The following LTA4H variants were observed in gnomAD, a reference collection of about 807,000 sequenced individuals.
The protein encoded by LTA4H is leukotriene A4 hydrolase.
A neutral mutation model predicts 89.8 loss-of-function variants in LTA4H; 59 were observed. The observed-to-expected ratio is 0.66, with a 90% CI of 0.53 to 0.82. The LOEUF (loss-of-function observed/expected upper bound fraction) is 0.82, where lower values mean the gene tolerates loss of function less well. Ranked by LOEUF, LTA4H falls within the 40% of genes least tolerant of loss-of-function variation. LTA4H has a pLI of 0.00. For missense variants in LTA4H, 617 were observed against 727.0 expected, an observed-to-expected ratio of 0.85 and a Z score of 1.74; for synonymous variants, 227 against 253.1, an observed-to-expected ratio of 0.90 and a Z score of 0.98.
intron 1 of LTA4H, among the ~76,000 whole-genome samples, chr12:96,029,391 T>C (rs1275164391): frequency 6.6e-6 from 1 of 152,168 alleles, no homozygotes; most frequent in East Asian, 1.9e-4. Context: ...GATTTGCATA[T>C]ATATTGTTAA....
chr12:96,005,892 C>T (rs1950190351), intron 16 of LTA4H, among the ~76,000 whole-genome samples: 1 of 151,992 alleles, frequency 6.6e-6, no homozygotes, highest in African/African-American at 2.4e-5. Context: ...GGATTACAGG[C>T]ACCTGCCACC....
intron 1 of LTA4H, among the ~76,000 whole-genome samples, chr12:96,041,986 CTTT>C (rs145401712): frequency 2.0e-3 from 218 of 110,052 alleles, no homozygotes; most frequent in African/African-American, 5.4e-3. Flanking sequence ...GTTTTTTTTT[CTTT>C]TTTTTTTTTT....
chr12:96,014,499 C>T (rs984723213), intron 12 of LTA4H, among the ~76,000 whole-genome samples: 4 of 152,182 alleles, frequency 2.6e-5, no homozygotes, highest in African/African-American at 9.7e-5. Context: ...GAGCCATTTA[C>T]ACCAAACTGC....
chr12:96,006,203 A>AT, intron 16 of LTA4H, 111 bp downstream of exon 16: 2 of 573,552 alleles, frequency 3.5e-6, no homozygotes, highest in East Asian at 5.6e-5. Flanking sequence ...TTTATAAATG[A>AT]TTTTTTCCCC....
At chr12:96,006,091 C>A (rs2540499) in intron 16 of LTA4H, among the ~76,000 whole-genome samples, 30,986 of 151,952 alleles carry the variant, frequency 0.2, 3,482 homozygotes, top group Non-Finnish European at 0.26. Flanking sequence ...CTAGATTATA[C>A]GCTATTTGAA....
chr12:96,033,719 C>CCCAA lies in LTA4H; in HGVS notation c.159+1638_159+1641dup, dbSNP rs1488270989. On this transcript the variant is annotated intron_variant, in intron 1 of 18. Transcript: ENST00000228740. ...GCTATCCCTCCCCTAGGCCCCTACC[C>CCCAA]CCAACAGGCCCTGGTGTGTGATGTT... Among the ~76,000 whole-genome samples, 4 of 152,262 alleles carry CCCAA rather than the reference C, an allele frequency of 2.6e-5. No homozygotes were observed. The East Asian group carries it at 7.7e-4, about 29-fold the overall frequency.
At chr12:96,011,560 T>C (rs995587505) in intron 14 of LTA4H, 5 of 152,210 alleles carry the variant, frequency 3.3e-5, no homozygotes, top group Non-Finnish European at 5.9e-5. Flanking sequence ...TTAAAATTAA[T>C]AGTTTCCTCA....
intron 14 of LTA4H, 92 bp from the exon 15 acceptor site, chr12:96,009,240 C>G: frequency 1.2e-6 from 1 of 820,778 alleles, no homozygotes; most frequent in Non-Finnish European, 2.0e-6. Context: ...ATTTCAAAGT[C>G]CCTTTTAAAT....
At position 96,003,081 on chromosome 12, in the gene LTA4H, G is replaced by A. The variant is rs372150645; in HGVS notation, c.1614-17C>T. On this transcript the variant is annotated splice_polypyrimidine_tract_variant and intron_variant, in intron 17 of 18. Coordinates refer to ENST00000228740, the MANE Select transcript of LTA4H (RefSeq NM_000895.3). ...CGCAGCCATCTAAAAGGAGGATTTG[G>A]GGGGAGCATGGAGTAGAAAATGAGG... 15 of 1,528,346 alleles carry A rather than the reference G, an allele frequency of 9.8e-6. No individual in the cohort carries two copies. Among genetic ancestry groups the A allele is most frequent in the South Asian group, 1.2e-5 (1 of 85,396 alleles). 94.7% of individuals were successfully genotyped at this position (1,528,346 alleles called of 1,614,324 possible). A position where few individuals can be genotyped will look rare whatever the true frequency, so the allele number is the denominator to read the frequency against.
intron 14 of LTA4H, chr12:96,011,306 A>C (rs1435085915): frequency 6.6e-6 from 1 of 152,210 alleles, no homozygotes; most frequent in African/African-American, 2.4e-5. Context: ...CTATGCTTTT[A>C]TTCTCAGGCT....
intron 1 of LTA4H, 109 bp from the exon 2 acceptor site, chr12:96,029,294 G>T: frequency 1.9e-6 from 1 of 533,672 alleles, no homozygotes; most frequent in Non-Finnish European, 3.1e-6. Flanking sequence ...AAAATACAGA[G>T]TGAAATTAGA....
chr12:96,035,592 T>C, upstream of LTA4H: 12 of 1,494,384 alleles, frequency 8.0e-6, no homozygotes, highest in Non-Finnish European at 1.1e-5. Context: ...ATAGAGAACC[T>C]GAGGAGGAGG....
chr12:96,022,278 G>T lies in LTA4H; in HGVS notation c.481-27C>A. ...TAATCAAGGAGAAAAATCATTTCTA[G>T]TCATAAATAAAAGCTTCTATGTGTC... On this transcript the variant is annotated intron_variant, in intron 4 of 18. Transcript: ENST00000228740. This position sits in a 1 kb window ranked among gnomAD's most constrained non-coding sequence, Gnocchi z 4.0. The T allele has an allele frequency of 1.4e-6, 2 of 1,451,780 alleles. No individual in the cohort carries two copies. The highest frequency in any genetic ancestry group is 1.9e-6 in the Non-Finnish European group (2 of 1,037,322). 89.9% of individuals were successfully genotyped at this position (1,451,780 alleles called of 1,614,324 possible).
chr12:96,021,233 C>G (rs962102789), intron 5 of LTA4H, 96 bp from the exon 6 acceptor site: 9 of 878,374 alleles, frequency 1.0e-5, no homozygotes, highest in Non-Finnish European at 1.3e-5. Context: ...AGTAAATTCC[C>G]TTTCAAATCT....
chr12:96,036,255 T>C (rs1279302207), upstream of LTA4H, among the ~76,000 whole-genome samples: 2 of 152,150 alleles, frequency 1.3e-5, no homozygotes, highest in Non-Finnish European at 2.9e-5. Context: ...ATAAAAGTTA[T>C]GCACTGGTCG....
At position 96,015,509 on chromosome 12, in the gene LTA4H, C is replaced by T. The variant is rs779421647; in HGVS notation, c.1059+74G>A. On this transcript the variant is annotated intron_variant, in intron 11 of 18. Transcript: ENST00000228740. ...CTTTTTGGTTGCTACACAGTAAAGA[C>T]GCTTTTATAAAAACTCAGTTTTTAA... 63 of 1,055,182 alleles carry T rather than the reference C, an allele frequency of 6.0e-5. 1 individual carries two copies. The highest frequency in any genetic ancestry group is 1.8e-4 in the Admixed American group (9 of 50,498). 65.4% of individuals were successfully genotyped at this position (1,055,182 alleles called of 1,614,324 possible). A position where few individuals can be genotyped will look rare whatever the true frequency, so the allele number is the denominator to read the frequency against.
At chr12:96,010,327 G>A (rs1245562819) in intron 14 of LTA4H, 1 of 152,204 alleles carries the variant, frequency 6.6e-6, no homozygotes, top group Non-Finnish European at 1.5e-5. Flanking sequence ...GGTGCTGACA[G>A]TATAGCGAAG....
intron 3 of LTA4H, among the ~76,000 whole-genome samples, chr12:96,026,781 T>G (rs1950517992): frequency 6.6e-6 from 1 of 152,218 alleles, no homozygotes; most frequent in African/African-American, 2.4e-5. Flanking sequence ...TTCCCTTAAT[T>G]GTAAATTATT....
At chr12:96,004,023 T>G in intron 16 of LTA4H, 103 bp from the exon 17 acceptor site, 1 of 517,676 alleles carries the variant, frequency 1.9e-6, no homozygotes, top group Non-Finnish European at 3.4e-6. Flanking sequence ...CTAAATATTT[T>G]ATAATATAGA....
Sources: allele counts gnomAD v4.1 joint callset (sites outside exome capture counted in the v4.1 genomes callset), GRCh38; gene constraint gnomAD v4.1.1; non-coding constraint Gnocchi (gnomAD v3.1); transcripts MANE v1.5; gene names NCBI Gene and HGNC (gene_info 2026-07-23, HGNC 2026-07-21).